APLP2: variants seen among roughly 807,000 people sequenced by gnomAD.
APLP2 encodes the protein amyloid beta precursor like protein 2.
A neutral mutation model predicts 89.9 loss-of-function variants in APLP2; 53 were observed. That is an observed-to-expected ratio of 0.59 (90% confidence interval 0.47 to 0.74). The LOEUF is 0.74. Among genes scored for constraint, APLP2 ranks in the 30% least tolerant of loss-of-function variants. The probability of loss-of-function intolerance (pLI) is 0.00; values close to 1 mark genes in which losing one functional copy is unlikely to be tolerated. For synonymous variants in APLP2, 372 were observed against 348.6 expected, an observed-to-expected ratio of 1.07 and a Z score of -0.75; for missense variants, 973 against 975.9, an observed-to-expected ratio of 1.00 and a Z score of 0.04.
In APLP2 at chr11:130,143,356, A is replaced by C; in HGVS notation, c.2164A>C (p.Met722Leu). The stretch of plus-strand genomic sequence containing the variant: ...GGTTTTGTTCTTCCAGGTTGATCCA[A>C]TGCTCACCCCAGAAGAGCGTCACCT... ...ISHGIVEVDP[M>L]LTPEERHLNK... is the part of the protein sequence containing the mutation. Residue 722 changes from methionine to leucine, a missense_variant, in exon 17 of 17, where the codon ATG (methionine) becomes CTG (leucine). Transcript: ENST00000338167. 6.2e-7 allele frequency: 1 copy of C among 1,613,916 alleles called. No individual in the cohort carries two copies. The highest frequency in any genetic ancestry group is 8.5e-7 in the Non-Finnish European group (1 of 1,179,924).
At chr11:130,104,321 C>T (rs1258318415) in intron 1 of APLP2, among the ~76,000 whole-genome samples, 2 of 145,668 alleles carry the variant, frequency 1.4e-5, no homozygotes, top group Non-Finnish European at 3.0e-5. Flanking sequence ...TGGGTTCAAG[C>T]GATTCTAGTG....
intron 1 of APLP2, among the ~76,000 whole-genome samples, chr11:130,103,623 A>G (rs1307231798): frequency 6.6e-6 from 1 of 152,194 alleles, no homozygotes; most frequent in East Asian, 1.9e-4. Context: ...TTAGCCAACA[A>G]CCATAATGAG....
chr11:130,130,259 C>A, intron 11 of APLP2, 93 bp downstream of exon 11: 4 of 1,527,470 alleles, frequency 2.6e-6, no homozygotes, highest in Non-Finnish European at 3.6e-6. Flanking sequence ...CTGCTAGTTG[C>A]ATTTGCTACT....
intron 16 of APLP2, 46 bp downstream of exon 16, chr11:130,142,120 G>C (rs1952488946): frequency 6.5e-7 from 1 of 1,548,834 alleles, no homozygotes; most frequent in Non-Finnish European, 8.8e-7. Flanking sequence ...TGTGGGCTGG[G>C]TTGGGGGTGG....
At chr11:130,078,529 A>G (rs1306526795) in intron 1 of APLP2, among the ~76,000 whole-genome samples, 1 of 151,656 alleles carries the variant, frequency 6.6e-6, no homozygotes, top group African/African-American at 2.4e-5. Context: ...ATCCTGTTTG[A>G]GAAGTCTTTT....
intron 1 of APLP2, among the ~76,000 whole-genome samples, chr11:130,089,674 C>T (rs952119895): frequency 1.3e-5 from 2 of 152,236 alleles, no homozygotes; most frequent in Admixed American, 6.5e-5. Flanking sequence ...TATTGTTTCA[C>T]TTTTCTGGTT....
rs562500940 is a variant in APLP2 at position 130,128,948 on chromosome 11, G to A, written c.1297-100G>A. On this transcript the variant is annotated intron_variant, in intron 9 of 16. Coordinates refer to ENST00000338167, the MANE Select transcript of APLP2 (RefSeq NM_001142276.2). Reference sequence around the variant, plus strand: ...CACTCTCCGAACCTGTTACTGTCTCGCATGGGCACTGACAGGAGAAGCACT... The same window carrying A: ...CACTCTCCGAACCTGTTACTGTCTCACATGGGCACTGACAGGAGAAGCACT... 16 of 1,340,888 alleles carry A rather than the reference G, an allele frequency of 1.2e-5. No individual in the cohort carries two copies. The East Asian group carries it at 1.7e-4, about 14-fold the overall frequency. 83.1% of individuals were successfully genotyped at this position (1,340,888 alleles called of 1,614,324 possible). A position where few individuals can be genotyped will look rare whatever the true frequency, so the allele number is the denominator to read the frequency against.
intron 1 of APLP2, chr11:130,109,210 AT>A (rs1591806861): frequency 5.6e-6 from 2 of 358,952 alleles, no homozygotes; most frequent in Non-Finnish European, 9.8e-6. Context: ...AATAAAATAA[AT>A]AAAAAAGTTT....
chr11:130,140,102 A>G (rs552308432), intron 13 of APLP2, among the ~76,000 whole-genome samples: 4 of 152,072 alleles, frequency 2.6e-5, no homozygotes, highest in African/African-American at 7.2e-5. Flanking sequence ...CTCCGCTTCT[A>G]TGTGTCTTAC....
chr11:130,120,983 A>G (rs1222902707), intron 4 of APLP2, among the ~76,000 whole-genome samples, 165 bp downstream of exon 4: 1 of 152,156 alleles, frequency 6.6e-6, no homozygotes, highest in Non-Finnish European at 1.5e-5. Flanking sequence ...TTTGGGAGAG[A>G]AGTAGGTATT....
At chr11:130,073,833 A>G (rs1169527858) in intron 1 of APLP2, among the ~76,000 whole-genome samples, 1 of 152,258 alleles carries the variant, frequency 6.6e-6, no homozygotes, top group African/African-American at 2.4e-5. Context: ...CTCCATCTCA[A>G]GAAAACAAGA....
intron 1 of APLP2, among the ~76,000 whole-genome samples, chr11:130,078,490 C>T (rs1476888079): frequency 6.6e-6 from 1 of 151,884 alleles, no homozygotes; most frequent in African/African-American, 2.4e-5. Flanking sequence ...TTTTCTTTTT[C>T]TTTTTTTGTT....
chr11:130,137,258 A>T, intron 13 of APLP2: 3 of 1,614,040 alleles, frequency 1.9e-6, no homozygotes, highest in Middle Eastern at 3.3e-4. Flanking sequence ...TCTGCTAGAC[A>T]CTCAGCCGGA....
chr11:130,105,475 T>C (rs1947561569), intron 1 of APLP2, among the ~76,000 whole-genome samples: 1 of 152,174 alleles, frequency 6.6e-6, no homozygotes, highest in Non-Finnish European at 1.5e-5. Context: ...AACCATGTCA[T>C]GTATATGCTG....
At chr11:130,098,250 C>CA (rs1946471788) in intron 1 of APLP2, among the ~76,000 whole-genome samples, 1 of 151,842 alleles carries the variant, frequency 6.6e-6, no homozygotes, top group Admixed American at 6.6e-5. Context: ...ACTAAAAATA[C>CA]AAAAATTAGC....
At chr11:130,140,351 G>A in intron 13 of APLP2, 47 bp from the exon 14 acceptor site, 1 of 1,498,572 alleles carries the variant, frequency 6.7e-7, no homozygotes, top group Non-Finnish European at 9.1e-7. Flanking sequence ...CAATGGGTGT[G>A]AGATGGGCCA....
intron 1 of APLP2, among the ~76,000 whole-genome samples, chr11:130,082,229 G>A (rs1156942548): frequency 1.3e-5 from 2 of 151,982 alleles, no homozygotes; most frequent in African/African-American, 4.8e-5. Flanking sequence ...TGTCGCCCAG[G>A]CTGGAGTACA....
Position 130,143,617 on chromosome 11 carries a change from C to G in APLP2, c.*169C>G. ...CTACTGTAGAACTGCAATTTCCATTCTTTTAAATGGGTGAAAAATGGTAAT... is the reference window on the plus strand; with the variant it reads ...CTACTGTAGAACTGCAATTTCCATTGTTTTAAATGGGTGAAAAATGGTAAT... On this transcript the variant is annotated 3_prime_UTR_variant, in exon 17 of 17. Coordinates refer to ENST00000338167, the MANE Select transcript of APLP2 (RefSeq NM_001142276.2). The G allele has an allele frequency of 1.7e-6, 1 of 582,630 alleles. No individual in the cohort carries two copies. The highest frequency in any genetic ancestry group is 3.1e-6 in the Non-Finnish European group (1 of 325,902). 36.1% of individuals were successfully genotyped at this position (582,630 alleles called of 1,614,324 possible). A position where few individuals can be genotyped will look rare whatever the true frequency, so the allele number is the denominator to read the frequency against.
At position 130,141,925 on chromosome 11, in the gene APLP2, G is replaced by A. The variant is rs370970986; in HGVS notation, c.2005G>A (p.Val669Met). 55 of 1,600,544 alleles carry A rather than the reference G, an allele frequency of 3.4e-5. No homozygotes were observed. Among genetic ancestry groups the A allele is most frequent in the South Asian group, 7.7e-5 (7 of 90,636 alleles). ...CGTCTGCTTTATTACGTAGGAATCCGTGGGCCCACTGCGGGAGGACTTCAG... is the reference window on the plus strand; with the variant it reads ...CGTCTGCTTTATTACGTAGGAATCCATGGGCCCACTGCGGGAGGACTTCAG... Reference protein sequence around the residue: ...VGGLEEERESVGPLREDFSLS... With the variant: ...VGGLEEERESMGPLREDFSLS... Residue 669 changes from valine to methionine, a missense_variant, in exon 16 of 17, where the codon GTG (valine) becomes ATG (methionine). Physicochemically the swap from Val to Met is conservative, Grantham distance 21. Coordinates refer to ENST00000338167, the MANE Select transcript of APLP2 (RefSeq NM_001142276.2). The surrounding 1 kb of genome is among the most constrained non-coding windows in gnomAD (Gnocchi z 4.2).
Sources: allele counts gnomAD v4.1 joint callset (sites outside exome capture counted in the v4.1 genomes callset), GRCh38; gene constraint gnomAD v4.1.1; non-coding constraint Gnocchi (gnomAD v3.1); transcripts MANE v1.5; gene names NCBI Gene and HGNC (gene_info 2026-07-23, HGNC 2026-07-21).